Variants in UGT1A3 observed in about 807,000 individuals in gnomAD.
The protein encoded by UGT1A3 is UDP-glucuronosyltransferase 1A3.
In UGT1A3, 31 loss-of-function variants were observed where a neutral mutation model predicts 41.0. The ratio of observed to expected loss-of-function variants is 0.76; its 90% confidence interval spans 0.57 to 1.02. UGT1A3 has a LOEUF of 1.02. UGT1A3 is among the 50% of genes least tolerant of loss of function. The probability of loss-of-function intolerance (pLI) is 0.00; values close to 1 mark genes in which losing one functional copy is unlikely to be tolerated. For synonymous variants in UGT1A3, 262 were observed against 257.6 expected, an observed-to-expected ratio of 1.02 and a Z score of -0.17; for missense variants, 737 against 671.0, an observed-to-expected ratio of 1.10 and a Z score of -1.09.
At chr2:233,741,922 TG>T (rs1282682556) in intron 1 of UGT1A3, 2 of 151,910 alleles carry the variant, frequency 1.3e-5, no homozygotes, top group Non-Finnish European at 2.9e-5. Flanking sequence ...GGTCTTCATT[TG>T]GGGCATAACC....
chr2:233,767,737 C>A, intron 2 of UGT1A3, 112 bp from the exon 3 acceptor site: 1 of 1,571,400 alleles, frequency 6.4e-7, no homozygotes, highest in South Asian at 1.2e-5. Context: ...TCCTCCCACT[C>A]TGTTAAAGAC....
At chr2:233,759,674 A>G (rs1462532515) in intron 1 of UGT1A3, among the ~76,000 whole-genome samples, 1 of 125,012 alleles carries the variant, frequency 8.0e-6, no homozygotes, top group Admixed American at 1.1e-4. Flanking sequence ...TCATGTGTTT[A>G]AATTGTGAGT....
chr2:233,759,341 G>A (rs1697111060), intron 1 of UGT1A3, among the ~76,000 whole-genome samples: 1 of 152,134 alleles, frequency 6.6e-6, no homozygotes, highest in Non-Finnish European at 1.5e-5. Context: ...GTTCAGGTGA[G>A]CGCTGAAAAT....
chr2:233,751,084 C>T (rs1694636853), intron 1 of UGT1A3, among the ~76,000 whole-genome samples: 1 of 151,906 alleles, frequency 6.6e-6, no homozygotes, highest in Non-Finnish European at 1.5e-5. Flanking sequence ...CTGAAGGCAG[C>T]CAGGAGGAGG....
At chr2:233,751,923 T>G (rs1390474537) in intron 1 of UGT1A3, among the ~76,000 whole-genome samples, 1 of 152,048 alleles carries the variant, frequency 6.6e-6, no homozygotes, top group Non-Finnish European at 1.5e-5. Context: ...ACAAGATTGG[T>G]GGTGATTGAA....
chr2:233,735,127 C>T (rs965773877), intron 1 of UGT1A3, among the ~76,000 whole-genome samples: 26 of 152,130 alleles, frequency 1.7e-4, no homozygotes, highest in Non-Finnish European at 2.9e-5. Flanking sequence ...TAAAGTCTCT[C>T]ATTATTATTG....
At chr2:233,732,755 G>GTTTT (rs956485327) in intron 1 of UGT1A3, among the ~76,000 whole-genome samples, 5 of 120,226 alleles carry the variant, frequency 4.2e-5, no homozygotes, top group African/African-American at 9.1e-5. Context: ...CACCAGCTTT[G>GTTTT]TTTTTTTTTT....
chr2:233,742,574 G>A lies in UGT1A3; in HGVS notation c.867+12581G>A, dbSNP rs544718368. On this transcript the variant is annotated intron_variant, in intron 1 of 4. Coordinates refer to ENST00000482026, the MANE Select transcript of UGT1A3 (RefSeq NM_019093.4). ...TAGGGGCCAGCTTCTGGCCGGAATT[G>A]GGGGCTTATCCCCAGCAACCTACCA... Among the ~76,000 whole-genome samples the A allele has an allele frequency of 5.3e-5, 8 of 151,892 alleles. No homozygotes were observed. In the South Asian group the frequency reaches 1.7e-3, roughly 31 times the overall value.
At chr2:233,746,624 G>C (rs934218336) in intron 1 of UGT1A3, among the ~76,000 whole-genome samples, 2 of 151,670 alleles carry the variant, frequency 1.3e-5, no homozygotes, top group Non-Finnish European at 2.9e-5. Context: ...CTCCTTTCAG[G>C]CAAGGACCAT....
At chr2:233,764,170 A>C (rs1698494492) in intron 1 of UGT1A3, among the ~76,000 whole-genome samples, 1 of 152,226 alleles carries the variant, frequency 6.6e-6, no homozygotes, top group Non-Finnish European at 1.5e-5. Flanking sequence ...TCATCAGAAC[A>C]GGGAAATTCT....
chr2:233,770,762 T>G (rs745553589), intron 4 of UGT1A3: 1 of 152,220 alleles, frequency 6.6e-6, no homozygotes, highest in Non-Finnish European at 1.5e-5. Flanking sequence ...AATATTACAT[T>G]ATAATAATGT....
intron 1 of UGT1A3, chr2:233,743,606 A>C (rs1409222712): frequency 7.3e-7 from 1 of 1,367,154 alleles, no homozygotes; most frequent in African/African-American, 1.5e-5. Context: ...CTGGCCGCCG[A>C]AGAACTCCCT....
intron 1 of UGT1A3, chr2:233,747,538 CATTTTCTAAAAGTATGGCAATTT>C (rs1393766304): frequency 6.2e-7 from 1 of 1,604,248 alleles, no homozygotes; most frequent in East Asian, 2.2e-5. Flanking sequence ...TTTCTGAAGA[CATTTTCTAAAAGTATGGCAATTT>C]TGAAAAATTC....
At chr2:233,739,849 C>T (rs1691223512) in intron 1 of UGT1A3, among the ~76,000 whole-genome samples, 2 of 151,976 alleles carry the variant, frequency 1.3e-5, no homozygotes, top group Admixed American at 1.3e-4. Context: ...TTGGGATGGG[C>T]CAGAGGGCAG....
chr2:233,745,008 A>G (rs552050904), intron 1 of UGT1A3, among the ~76,000 whole-genome samples: 2 of 151,846 alleles, frequency 1.3e-5, no homozygotes, highest in Non-Finnish European at 2.9e-5. Flanking sequence ...TTACCTAATA[A>G]ATGTAAATGC....
At chr2:233,752,762 C>CA (rs1695055217) in intron 1 of UGT1A3, among the ~76,000 whole-genome samples, 1 of 152,222 alleles carries the variant, frequency 6.6e-6, no homozygotes, top group Non-Finnish European at 1.5e-5. Flanking sequence ...AACAAACAAA[C>CA]AAACAAACAA....
intron 1 of UGT1A3, chr2:233,761,239 G>A (rs147865713): frequency 6.2e-7 from 1 of 1,612,198 alleles, no homozygotes; most frequent in Admixed American, 1.7e-5. Context: ...TATATGCTGA[G>A]CAAGCATTCT....
chr2:233,732,182 G>A (rs1190810291), intron 1 of UGT1A3, among the ~76,000 whole-genome samples: 1 of 152,108 alleles, frequency 6.6e-6, no homozygotes, highest in Non-Finnish European at 1.5e-5. Flanking sequence ...TGTAGATTCT[G>A]GATATTAGCC....
rs919221213 is a variant in UGT1A3 at position 233,772,323 on chromosome 2, G to T, written c.1369G>T (p.Asp457Tyr). 1.9e-6 allele frequency: 3 copies of T among 1,614,164 alleles called. No individual in the cohort carries two copies. Among genetic ancestry groups the T allele is most frequent in the Non-Finnish European group, 2.5e-6 (3 of 1,180,042 alleles). Residue 457 changes from aspartate to tyrosine, a missense_variant, in exon 5 of 5, where the codon GAC (aspartate) becomes TAC (tyrosine). Asp to Tyr is a radical substitution (Grantham distance 160). Coordinates refer to ENST00000482026, the MANE Select transcript of UGT1A3 (RefSeq NM_019093.4). Reference protein sequence around the residue: ...LHKDRPVEPLDLAVFWVEFVM... With the variant: ...LHKDRPVEPLYLAVFWVEFVM... ...CAAGGACCGCCCGGTGGAGCCGCTG[G>T]ACCTGGCCGTGTTCTGGGTGGAGTT...
Sources: gnomAD v4.1 joint callset for allele counts (sites outside exome capture counted in the v4.1 genomes callset) on GRCh38, gnomAD v4.1.1 for gene constraint, MANE v1.5 for transcripts, NCBI Gene and HGNC (gene_info 2026-07-23, HGNC 2026-07-21) for gene names.